The following DLGAP2 variants were observed in gnomAD, a reference collection of about 807,000 sequenced individuals.
DLGAP2 encodes the protein DLG associated protein 2, also known as disks large-associated protein 2.
DLGAP2 carries 26 observed loss-of-function variants against 100.3 expected under a neutral mutation model. The ratio of observed to expected loss-of-function variants is 0.26; its 90% confidence interval spans 0.19 to 0.36. The LOEUF is 0.36. DLGAP2 is among the 10% of genes least tolerant of loss of function. The pLI, the probability that DLGAP2 is intolerant of heterozygous loss-of-function variation, is 1.00. For synonymous variants in DLGAP2, 886 were observed against 630.1 expected (o/e 1.41, Z -6.08); for missense variants, 1,858 against 1,453.2 (o/e 1.28, Z -4.53).
At chr8:835,608 T>C (rs1033697917) in intron 1 of DLGAP2, among the ~76,000 whole-genome samples, 1 of 152,102 alleles carries the variant, frequency 6.6e-6, no homozygotes. Context: ...AGGGCTTCTC[T>C]CCGCAGTGCA....
intron 1 of DLGAP2, among the ~76,000 whole-genome samples, chr8:774,829 C>T (rs1344993717): frequency 2.7e-5 from 4 of 145,752 alleles, no homozygotes; most frequent in South Asian, 2.3e-4. Flanking sequence ...CTTGGCGATG[C>T]GGGCTCTTTT....
chr8:888,294 A>G (rs746331018), intron 1 of DLGAP2, among the ~76,000 whole-genome samples: 39 of 152,266 alleles, frequency 2.6e-4, no homozygotes, highest in Non-Finnish European at 4.4e-4. Flanking sequence ...CCTTTTATCA[A>G]GGTTCTTAGC....
In DLGAP2 at chr8:1,247,462, TG is replaced by T. The variant is rs1291436677; in HGVS notation, c.74-11386del. Among the ~76,000 whole-genome samples, 233 of 105,524 alleles carry T rather than the reference TG, an allele frequency of 2.2e-3. 9 individuals are homozygous for T. Among genetic ancestry groups the T allele is most frequent in the African/African-American group, 0.012 (222 of 19,076 alleles). The allele number at this position is 105,524 out of a possible 152,430, so 69.2% of individuals were successfully genotyped here. ...GCCGGCAAGACCTTTGAGATCAGTG[TG>T]GGAGTGATGGTCCATGTTGGTGGCC... On this transcript the variant is annotated intron_variant, in intron 2 of 14. Transcript: ENST00000637795.
At chr8:1,037,905 G>A (rs1165666114) in intron 2 of DLGAP2, among the ~76,000 whole-genome samples, 1 of 152,214 alleles carries the variant, frequency 6.6e-6, no homozygotes, top group Non-Finnish European at 1.5e-5. Context: ...GTGAGCCCGA[G>A]AATTTGTGCT....
At chr8:1,459,621 A>C (rs1339311823) in intron 3 of DLGAP2, among the ~76,000 whole-genome samples, 4 of 151,902 alleles carry the variant, frequency 2.6e-5, no homozygotes, top group Admixed American at 2.6e-4. Context: ...GCAGGCCTAG[A>C]GCACTCACAG....
At chr8:893,247 C>G (rs1244826655) in intron 1 of DLGAP2, 1 of 152,256 alleles carries the variant, frequency 6.6e-6, no homozygotes, top group East Asian at 1.9e-4. Flanking sequence ...GTCCTGCCCT[C>G]CAGAGTCACT....
At chr8:1,184,629 G>C (rs1275339272) in intron 2 of DLGAP2, among the ~76,000 whole-genome samples, 2 of 152,298 alleles carry the variant, frequency 1.3e-5, no homozygotes, top group Non-Finnish European at 2.9e-5. Context: ...CCTGGGGCTG[G>C]AGTGCAAGGT....
intron 3 of DLGAP2, among the ~76,000 whole-genome samples, chr8:1,275,393 C>T (rs1799662313): frequency 6.6e-6 from 1 of 151,588 alleles, no homozygotes; most frequent in African/African-American, 2.4e-5. Context: ...ATTTGCACCC[C>T]AGATGCTGAA....
chr8:1,025,552 T>C (rs2129026163), intron 2 of DLGAP2, among the ~76,000 whole-genome samples: 1 of 152,276 alleles, frequency 6.6e-6, no homozygotes, highest in South Asian at 2.1e-4. Context: ...TGGTTTTAAG[T>C]GATCGATATG....
At chr8:1,031,232 G>A (rs1801962837) in intron 2 of DLGAP2, among the ~76,000 whole-genome samples, 2 of 152,110 alleles carry the variant, frequency 1.3e-5, no homozygotes, top group Admixed American at 6.5e-5. Flanking sequence ...TGGCAAGAGA[G>A]GAGGGCTCCC....
Position 820,212 on chromosome 8 carries a change from A to C in DLGAP2, c.18+82387A>C, listed in dbSNP as rs528497450. Among the ~76,000 whole-genome samples the C allele has an allele frequency of 5.9e-5, 9 of 152,372 alleles. No homozygotes were observed. The South Asian group carries it at 1.9e-3, about 32-fold the overall frequency. On this transcript the variant is annotated intron_variant, in intron 1 of 14. Transcript: ENST00000637795. ...CTCACAACACAACAAAGTTTTAAAC[A>C]TGTTAAATATGTAATCATTAAAGAT... is the stretch of plus-strand genomic sequence containing the variant.
chr8:1,590,330 T>C (rs552052397), intron 6 of DLGAP2, among the ~76,000 whole-genome samples: 6 of 152,286 alleles, frequency 3.9e-5, no homozygotes, highest in African/African-American at 1.4e-4. Flanking sequence ...GCCAGGATAA[T>C]GAAGTATGCA....
At chr8:908,185 G>A (rs1371372471) in intron 2 of DLGAP2, among the ~76,000 whole-genome samples, 1 of 152,212 alleles carries the variant, frequency 6.6e-6, no homozygotes, top group Non-Finnish European at 1.5e-5. Context: ...TTATTTGACA[G>A]AGGAAATAGT....
At chr8:1,461,207 T>G (rs1261401979) in intron 3 of DLGAP2, among the ~76,000 whole-genome samples, 2 of 136,820 alleles carry the variant, frequency 1.5e-5, no homozygotes, top group African/African-American at 5.5e-5. Flanking sequence ...CAGTCGCTGA[T>G]TCGGTGGCCA....
intron 2 of DLGAP2, among the ~76,000 whole-genome samples, chr8:963,361 G>T (rs1211808895): frequency 1.3e-5 from 2 of 152,158 alleles, no homozygotes; most frequent in Non-Finnish European, 2.9e-5. Context: ...ACGTATTTTG[G>T]AATGTGAGCT....
chr8:1,521,072 G>A (rs1800579631), intron 4 of DLGAP2, among the ~76,000 whole-genome samples: 1 of 152,164 alleles, frequency 6.6e-6, no homozygotes, highest in Non-Finnish European at 1.5e-5. Context: ...GTGTCTTGTT[G>A]TTGTTTTAAT....
chr8:1,472,815 T>C (rs1010254414), intron 3 of DLGAP2, among the ~76,000 whole-genome samples: 1 of 152,214 alleles, frequency 6.6e-6, no homozygotes, highest in Non-Finnish European at 1.5e-5. Flanking sequence ...GAGTAACTGC[T>C]TTAGAAACTG....
At chr8:897,082 G>A (rs1371649302) in intron 1 of DLGAP2, among the ~76,000 whole-genome samples, 3 of 152,132 alleles carry the variant, frequency 2.0e-5, no homozygotes, top group East Asian at 1.9e-4. Flanking sequence ...GTGTGGAATC[G>A]GAGCCCCCTT....
At chr8:1,446,182 A>G (rs939721788) in intron 3 of DLGAP2, among the ~76,000 whole-genome samples, 1 of 151,976 alleles carries the variant, frequency 6.6e-6, no homozygotes, top group African/African-American at 2.4e-5. Flanking sequence ...TATGTCCTGA[A>G]TGGTATTGCC....
Sources: gnomAD v4.1 joint callset for allele counts (sites outside exome capture counted in the v4.1 genomes callset) on GRCh38, gnomAD v4.1.1 for gene constraint, MANE v1.5 for transcripts, NCBI Gene and HGNC (gene_info 2026-07-23, HGNC 2026-07-21) for gene names.